Variants in TPST2 observed in about 807,000 individuals in gnomAD.
TPST2 encodes the protein protein-tyrosine sulfotransferase 2.
Under a neutral mutation model 27.8 loss-of-function variants are expected in TPST2, and 16 were observed. The ratio of observed to expected loss-of-function variants is 0.58; its 90% confidence interval spans 0.39 to 0.88. TPST2 has a LOEUF of 0.88. TPST2 is among the 40% of genes least tolerant of loss of function. The pLI, the probability that TPST2 is intolerant of heterozygous loss-of-function variation, is 0.00. For synonymous variants in TPST2, 229 were observed against 231.7 expected, an observed-to-expected ratio of 0.99 and a Z score of 0.10; for missense variants, 464 against 543.1, an observed-to-expected ratio of 0.85 and a Z score of 1.45.
intron 1 of TPST2, among the ~76,000 whole-genome samples, chr22:26,572,015 G>A (rs757002458): frequency 7.9e-5 from 12 of 152,126 alleles, no homozygotes; most frequent in Non-Finnish European, 1.3e-4. Context: ...TCTTCAGTAT[G>A]CAATTTCTTC....
intron 1 of TPST2, among the ~76,000 whole-genome samples, chr22:26,588,406 G>C (rs1928424630): frequency 6.6e-6 from 1 of 152,166 alleles, no homozygotes; most frequent in African/African-American, 2.4e-5. Context: ...ATTGGGGAGT[G>C]ACCATGAAAC....
intron 1 of TPST2, among the ~76,000 whole-genome samples, chr22:26,572,354 G>A (rs1211399416): frequency 6.6e-6 from 1 of 152,196 alleles, no homozygotes; most frequent in East Asian, 1.9e-4. Flanking sequence ...AAGCTGGCAT[G>A]AGAGCAAAGC....
rs1925247151 is a variant in TPST2 at position 26,532,870 on chromosome 22, A to G, written c.1042-125T>C. 7.6e-6 allele frequency: 6 copies of G among 794,670 alleles called. No individual in the cohort carries two copies. In the Admixed American group the frequency reaches 8.5e-5, roughly 11 times the overall value. The allele number at this position is 794,670 out of a possible 1,614,324, so 49.2% of individuals were successfully genotyped here. On this transcript the variant is annotated intron_variant, in intron 4 of 6. Transcript: ENST00000338754. ...ACCCACCCATCCCTCCATCCAACAA[A>G]CATTGCTTAAGCTCCTCTTCTTCTA...
Position 26,540,803 on chromosome 22 carries a change from A to G in TPST2, c.828T>C (p.Gly276=). Residue 276 remains glycine, a synonymous_variant, in exon 3 of 7, where the codon GGT becomes GGC. Transcript: ENST00000338754. ...HHEDLIGKPG[G]VSLSKIERST... ...GCTCCACTCACTTGGACAGGGAGAC[A>G]CCACCGGGCTTGCCAATGAGGTCTT... The G allele has an allele frequency of 6.3e-7, 1 of 1,591,660 alleles. No individual in the cohort carries two copies. The highest frequency in any genetic ancestry group is 8.6e-7 in the Non-Finnish European group (1 of 1,165,576).
At chr22:26,562,207 T>G (rs557896074) in intron 1 of TPST2, among the ~76,000 whole-genome samples, 1 of 152,362 alleles carries the variant, frequency 6.6e-6, no homozygotes, top group South Asian at 2.1e-4. Context: ...TCCTTTGCTG[T>G]GTGACCTTGG....
intron 1 of TPST2, chr22:26,561,173 C>G: frequency 5.1e-6 from 8 of 1,580,954 alleles, no homozygotes; most frequent in South Asian, 3.5e-5. Flanking sequence ...TTGGTTCTAG[C>G]GCAGTTTTTT....
intron 1 of TPST2, among the ~76,000 whole-genome samples, chr22:26,557,396 C>A (rs1051569943): frequency 6.6e-6 from 1 of 152,178 alleles, no homozygotes; most frequent in Non-Finnish European, 1.5e-5. Context: ...TTCTTACTAG[C>A]GATGCTGCTG....
intron 3 of TPST2, among the ~76,000 whole-genome samples, chr22:26,537,237 T>A (rs2147183153): frequency 6.6e-6 from 1 of 152,296 alleles, no homozygotes; most frequent in East Asian, 1.9e-4. Flanking sequence ...AACCTTTTCT[T>A]GTAGAGTAGT....
rs566171195 is a variant in TPST2, at chr22:26,577,012, T to C, written c.-161+13041A>G. Among the ~76,000 whole-genome samples the C allele has an allele frequency of 3.3e-4, 49 of 148,236 alleles. No individual in the cohort carries two copies. The East Asian group carries it at 4.6e-3, about 14-fold the overall frequency. On this transcript the variant is annotated intron_variant, in intron 1 of 6. Transcript: ENST00000338754. ...TCGGGAGGCTGAAGCAGGAGAATGGTGTGAACCCGGGAGGCGGAGCTTGCA... is the reference window on the plus strand; with the variant it reads ...TCGGGAGGCTGAAGCAGGAGAATGGCGTGAACCCGGGAGGCGGAGCTTGCA...
At chr22:26,545,648 C>T (rs1926076973) in intron 1 of TPST2, among the ~76,000 whole-genome samples, 1 of 152,200 alleles carries the variant, frequency 6.6e-6, no homozygotes, top group African/African-American at 2.4e-5. Flanking sequence ...AGTCCTGTTT[C>T]AGGAGGTGGG....
chr22:26,540,941 C>T lies in TPST2; in HGVS notation c.690G>A (p.Lys230=), dbSNP rs2147188184. 6.2e-7 allele frequency: 1 copy of T among 1,614,200 alleles called. No homozygotes were observed. Among genetic ancestry groups the T allele is most frequent in the East Asian group, 2.2e-5 (1 of 44,882 alleles). The part of the protein sequence containing the change: ...VMYAQCMEVG[K]EKCLPVYYEQ... ...CGTAGTACACAGGCAGGCACTTCTC[C>T]TTGCCTACCTCCATGCACTGGGCGT... Residue 230 remains lysine, a synonymous_variant, in exon 3 of 7, where the codon AAG becomes AAA. Transcript: ENST00000338754.
chr22:26,570,787 C>A (rs532737649), intron 1 of TPST2, among the ~76,000 whole-genome samples: 2 of 151,188 alleles, frequency 1.3e-5, no homozygotes, highest in East Asian at 3.9e-4. Flanking sequence ...TCCATCCTTT[C>A]ATGCTGGTGC....
rs1276929043 is a variant in TPST2, at chr22:26,524,294, A to G, written c.*1981T>C. On this transcript the variant is annotated 3_prime_UTR_variant, in exon 7 of 7. Transcript: ENST00000338754. ...CCAATGTCATCCATTAGCCATCCCCAATAAACCCATGAAGTTCAGCCTGAA... is the reference window on the plus strand; with the variant it reads ...CCAATGTCATCCATTAGCCATCCCCGATAAACCCATGAAGTTCAGCCTGAA... 6.6e-6 allele frequency: 1 copy of G among 152,090 alleles called. No individual in the cohort carries two copies. The highest frequency in any genetic ancestry group is 1.5e-5 in the Non-Finnish European group (1 of 68,024). 9.4% of individuals were successfully genotyped at this position (152,090 alleles called of 1,614,324 possible).
intron 5 of TPST2, among the ~76,000 whole-genome samples, chr22:26,530,057 G>A (rs1925067187): frequency 6.6e-6 from 1 of 152,204 alleles, no homozygotes; most frequent in Non-Finnish European, 1.5e-5. Flanking sequence ...GATGTAGGCA[G>A]AACAACACAG....
chr22:26,564,858 T>C (rs1411708327), intron 1 of TPST2, among the ~76,000 whole-genome samples: 1 of 152,126 alleles, frequency 6.6e-6, no homozygotes, highest in Admixed American at 6.5e-5. Context: ...TCAGCATTAC[T>C]CATCTGAATT....
chr22:26,550,663 T>A, intron 1 of TPST2: 3 of 985,908 alleles, frequency 3.0e-6, no homozygotes, highest in Non-Finnish European at 3.6e-6. Context: ...TTCCTCCCCA[T>A]GGGAACCAGC....
chr22:26,545,479 T>C (rs1926069010), intron 1 of TPST2, among the ~76,000 whole-genome samples: 1 of 152,214 alleles, frequency 6.6e-6, no homozygotes, highest in Non-Finnish European at 1.5e-5. Context: ...GCAGGGAGTA[T>C]ATATCTCCCA....
intron 1 of TPST2, among the ~76,000 whole-genome samples, chr22:26,569,863 AAC>A (rs1927531378): frequency 1.3e-5 from 2 of 150,772 alleles, no homozygotes; most frequent in African/African-American, 2.4e-5. Flanking sequence ...AAGCAGGGAG[AAC>A]TGCTTGAACC....
intron 1 of TPST2, among the ~76,000 whole-genome samples, chr22:26,546,157 C>T (rs746710671): frequency 7.8e-4 from 118 of 152,078 alleles, no homozygotes; most frequent in Non-Finnish European, 1.4e-3. Context: ...AGGGTGTTGA[C>T]TGCATTTCTT....
Sources: gnomAD v4.1 joint callset for allele counts (sites outside exome capture counted in the v4.1 genomes callset) on GRCh38, gnomAD v4.1.1 for gene constraint, MANE v1.5 for transcripts, NCBI Gene and HGNC (gene_info 2026-07-23, HGNC 2026-07-21) for gene names.